Variants in ZNF267 observed in about 807,000 individuals in gnomAD.
ZNF267 encodes the protein zinc finger (C2H2).
In ZNF267, 61 loss-of-function variants were observed where a neutral mutation model predicts 71.6. The ratio of observed to expected loss-of-function variants is 0.85; its 90% CI spans 0.69 to 1.05. The LOEUF is 1.05. Among genes scored for constraint, ZNF267 ranks in the 50% least tolerant of loss-of-function variants. The pLI, the probability that ZNF267 is intolerant of heterozygous loss-of-function variation, is 0.00. For missense variants in ZNF267, 852 were observed against 870.0 expected (o/e 0.98, Z 0.26); for synonymous variants, 288 against 293.2 (o/e 0.98, Z 0.18).
At chr16:31,880,523 C>T (rs1372112245) in intron 1 of ZNF267, among the ~76,000 whole-genome samples, 1 of 152,160 alleles carries the variant, frequency 6.6e-6, no homozygotes, top group East Asian at 1.9e-4. Flanking sequence ...TATTCTGGTT[C>T]CACAAGGACA....
intron 3 of ZNF267, among the ~76,000 whole-genome samples, chr16:31,889,083 C>T (rs900712573): frequency 2.0e-5 from 3 of 150,774 alleles, no homozygotes; most frequent in African/African-American, 7.3e-5. Context: ...TGTAATTGTT[C>T]ATAATAGTTT....
intron 3 of ZNF267, among the ~76,000 whole-genome samples, chr16:31,885,698 C>T (rs1409248929): frequency 6.6e-6 from 1 of 152,214 alleles, no homozygotes; most frequent in Non-Finnish European, 1.5e-5. Context: ...ATAGATGTCA[C>T]ATATTTTCTG....
At chr16:31,894,449 T>A in intron 3 of ZNF267, 1 of 447,342 alleles carries the variant, frequency 2.2e-6, no homozygotes, top group South Asian at 1.8e-5. Flanking sequence ...ACTCCACCTG[T>A]TAGTGTTTTT....
At position 31,914,848 on chromosome 16, in the gene ZNF267, TCTCTA is replaced by T; in HGVS notation, c.605_609del (p.Thr202LysfsTer2). 5 of 1,611,104 alleles carry T rather than the reference TCTCTA, an allele frequency of 3.1e-6. No homozygotes were observed. Among genetic ancestry groups the T allele is most frequent in the Non-Finnish European group, 4.2e-6 (5 of 1,179,198 alleles). On this transcript the variant is annotated frameshift_variant, in exon 4 of 4. Coordinates refer to ENST00000300870, the MANE Select transcript of ZNF267 (RefSeq NM_003414.6). LOFTEE classifies it high-confidence loss of function. ...AAAACTTCAGTGTTATTTAGGCAGG[TCTCTA>T]CTCTAAATAGTTACCGAAATGTTTT...
At chr16:31,910,704 A>AT (rs537515716) in intron 3 of ZNF267, among the ~76,000 whole-genome samples, 127 of 149,874 alleles carry the variant, frequency 8.5e-4, no homozygotes, top group Non-Finnish European at 1.6e-3. Flanking sequence ...CATTTCATTG[A>AT]TTTTTTTTGT....
chr16:31,915,804 CTT>C lies in ZNF267; in HGVS notation c.1557_1558del (p.Tyr520GlnfsTer7). On this transcript the variant is annotated frameshift_variant, in exon 4 of 4. Coordinates refer to ENST00000300870, the MANE Select transcript of ZNF267 (RefSeq NM_003414.6). LOFTEE classifies it high-confidence loss of function. ...QHRKIHTGEN[L>X]YKCKVCAKPF... The stretch of plus-strand genomic sequence containing the variant: ...TCGGAAAATTCATACTGGAGAAAAT[CTT>C]TACAAATGCAAAGTATGTGCTAAAC... 1 of 1,613,310 alleles carries C rather than the reference CTT, an allele frequency of 6.2e-7. No individual in the cohort carries two copies. Among genetic ancestry groups the C allele is most frequent in the Non-Finnish European group, 8.5e-7 (1 of 1,179,976 alleles).
At chr16:31,899,996 A>G (rs533570412) in intron 3 of ZNF267, among the ~76,000 whole-genome samples, 4 of 151,772 alleles carry the variant, frequency 2.6e-5, no homozygotes, top group Non-Finnish European at 5.9e-5. Flanking sequence ...CCATATATAT[A>G]TACACACACA....
intron 3 of ZNF267, among the ~76,000 whole-genome samples, chr16:31,905,774 C>A (rs932237487): frequency 6.6e-6 from 1 of 152,200 alleles, no homozygotes; most frequent in Non-Finnish European, 1.5e-5. Flanking sequence ...CTGACGCCTT[C>A]TTCTCTCACC....
intron 3 of ZNF267, among the ~76,000 whole-genome samples, chr16:31,905,957 T>G (rs2084086436): frequency 2.0e-5 from 3 of 152,096 alleles, no homozygotes; most frequent in Admixed American, 2.0e-4. Flanking sequence ...TACAGATGGG[T>G]TTTTGGTGTG....
At chr16:31,885,294 A>C (rs772942120) in intron 3 of ZNF267, 38 bp downstream of exon 3, 1 of 1,560,636 alleles carries the variant, frequency 6.4e-7, no homozygotes, top group Non-Finnish European at 8.7e-7. Context: ...CATGGGCGAG[A>C]GGTCCAGAAG....
chr16:31,905,519 G>A (rs537765575), intron 3 of ZNF267, among the ~76,000 whole-genome samples: 145 of 151,854 alleles, frequency 9.5e-4, no homozygotes, highest in African/African-American at 3.1e-3. Context: ...TTCTCTTTTC[G>A]CTTCATTTCA....
intron 3 of ZNF267, among the ~76,000 whole-genome samples, chr16:31,892,982 A>G (rs2083971738): frequency 6.6e-6 from 1 of 152,208 alleles, no homozygotes; most frequent in African/African-American, 2.4e-5. Flanking sequence ...GTGCCCAAGT[A>G]GGGACTCTGT....
In ZNF267 at chr16:31,915,903, G is replaced by C. The variant is rs1220163450; in HGVS notation, c.1654G>C (p.Glu552Gln). 6.2e-7 allele frequency: 1 copy of C among 1,613,832 alleles called. No homozygotes were observed. The highest frequency in any genetic ancestry group is 2.2e-5 in the East Asian group (1 of 44,878). Residue 552 changes from glutamate to glutamine, a missense_variant, in exon 4 of 4, where the codon GAA becomes CAA. Glu to Gln is a conservative substitution (Grantham distance 29). Transcript: ENST00000300870. ...TGGAGAGAAACCCTATAAATGTAAA[G>C]AATGTGGCAAAGCCTTTCCTTATAG... ...HTGEKPYKCK[E>Q]CGKAFPYSSH...
chr16:31,914,732 C>A lies in ZNF267; in HGVS notation c.483C>A (p.Asn161Lys). Reference protein sequence around the residue: ...QILSSCAKSYNFDQYRKVFTH... With the variant: ...QILSSCAKSYKFDQYRKVFTH... ...TTTCTTCTTGTGCCAAAAGCTATAA[C>A]TTTGATCAATATAGGAAGGTCTTTA... The change falls in exon 4 of 4, where the codon AAC (asparagine) becomes AAA (lysine). Residue 161 changes from asparagine to lysine, a missense_variant. By Grantham distance (94) the Asn-to-Lys change is moderately conservative (BLOSUM62 0). Coordinates refer to ENST00000300870, the MANE Select transcript of ZNF267 (RefSeq NM_003414.6). 2 of 1,614,070 alleles carry A rather than the reference C, an allele frequency of 1.2e-6. No individual in the cohort carries two copies. Among genetic ancestry groups the A allele is most frequent in the Non-Finnish European group, 1.7e-6 (2 of 1,179,986 alleles).
intron 1 of ZNF267, among the ~76,000 whole-genome samples, chr16:31,874,866 A>G (rs2083840977): frequency 6.6e-6 from 1 of 152,172 alleles, no homozygotes; most frequent in Non-Finnish European, 1.5e-5. Context: ...CCAAAGGCCA[A>G]CTTCCCCTCT....
chr16:31,903,150 G>C (rs1266156792), intron 3 of ZNF267, among the ~76,000 whole-genome samples: 3 of 152,182 alleles, frequency 2.0e-5, no homozygotes, highest in African/African-American at 7.2e-5. Flanking sequence ...CTTGATCATG[G>C]TGGATAAGGT....
At chr16:31,894,754 G>C in intron 3 of ZNF267, 1 of 492,304 alleles carries the variant, frequency 2.0e-6, no homozygotes, top group African/African-American at 2.0e-5. Flanking sequence ...GTTCCTTTCT[G>C]CTTTCATTTT....
intron 3 of ZNF267, among the ~76,000 whole-genome samples, chr16:31,904,059 A>G (rs12598568): frequency 6.6e-6 from 1 of 152,354 alleles, no homozygotes; most frequent in South Asian, 2.1e-4. Flanking sequence ...GTAGTCATTC[A>G]GGAGCAGGTT....
chr16:31,906,979 G>A (rs1160548498), intron 3 of ZNF267, among the ~76,000 whole-genome samples: 2 of 152,022 alleles, frequency 1.3e-5, no homozygotes, highest in Admixed American at 6.5e-5. Context: ...CAGATGTAGT[G>A]TTCATAGTAG....
Sources: allele counts gnomAD v4.1 joint callset (sites outside exome capture counted in the v4.1 genomes callset), GRCh38; gene constraint gnomAD v4.1.1; transcripts MANE v1.5; gene names NCBI Gene and HGNC (gene_info 2026-07-23, HGNC 2026-07-21).